The following NRP2 variants were observed in gnomAD, a reference collection of about 807,000 sequenced individuals.
NRP2 encodes the protein neuropilin 2.
NRP2 carries 52 observed loss-of-function variants against 110.4 expected under a neutral mutation model. That is an observed-to-expected ratio of 0.47 (90% CI 0.38 to 0.59). The LOEUF (loss-of-function observed/expected upper bound fraction) is 0.59, where lower values mean the gene tolerates loss of function less well. Among genes scored for constraint, NRP2 ranks in the 20% least tolerant of loss-of-function variants. The pLI is 0.00. For missense variants in NRP2, 1,049 were observed against 1,203.0 expected (o/e 0.87, Z 1.89); for synonymous variants, 508 against 468.9 (o/e 1.08, Z -1.08).
intron 7 of NRP2, among the ~76,000 whole-genome samples, chr2:205,739,522 G>A (rs561858182): frequency 6.6e-5 from 10 of 152,186 alleles, no homozygotes; most frequent in East Asian, 3.9e-4. Context: ...AGGAGAAGTC[G>A]CTGATGGTTG....
At chr2:205,720,509 G>A (rs371663482) in intron 3 of NRP2, among the ~76,000 whole-genome samples, 1 of 152,096 alleles carries the variant, frequency 6.6e-6, no homozygotes, top group East Asian at 1.9e-4. Context: ...CCTTCTAAGG[G>A]AATGACAATA....
rs202118866 is a variant in NRP2 at position 205,749,817 on chromosome 2, G to C, written c.1879G>C (p.Gly627Arg). The stretch of plus-strand genomic sequence containing the variant: ...CACCGAAGAGGAGGCCACAGAGTGT[G>C]GGGAGAACTGCAGCTTTGAGGATGG... ...YPTEEEATEC[G>R]ENCSFEDDKD... The change falls in exon 11 of 17, where the codon GGG becomes CGG. Residue 627 changes from glycine (G) to arginine (R), a missense_variant. Physicochemically the swap from Gly to Arg is moderately radical, Grantham distance 125 (BLOSUM62 -2). Coordinates refer to ENST00000357785, the MANE Select transcript of NRP2 (RefSeq NM_003872.3). The C allele has an allele frequency of 4.3e-6, 7 of 1,613,932 alleles. No homozygotes were observed. In the Admixed American group the frequency reaches 1.2e-4, roughly 27 times the overall value.
chr2:205,739,729 G>A (rs1214856382), intron 7 of NRP2, among the ~76,000 whole-genome samples: 2 of 147,816 alleles, frequency 1.4e-5, no homozygotes, highest in Non-Finnish European at 3.0e-5. Context: ...AAAGCATAAG[G>A]TCCATATGGC....
At position 205,682,703 on chromosome 2, in the gene NRP2, G is replaced by C. The variant is rs892550081; in HGVS notation, c.-588G>C. 1.2e-5 allele frequency: 2 copies of C among 163,066 alleles called. No homozygotes were observed. The highest frequency in any genetic ancestry group is 6.4e-5 in the Admixed American group (1 of 15,700). The allele number at this position is 163,066 out of a possible 1,614,324, so 10.1% of individuals were successfully genotyped here. On this transcript the variant is annotated 5_prime_UTR_variant, in exon 1 of 17. Coordinates refer to ENST00000357785, the MANE Select transcript of NRP2 (RefSeq NM_003872.3). This position sits in a 1 kb window ranked among gnomAD's most constrained non-coding sequence, Gnocchi z 4.3. ...GCTTCCTTCCTCAGACTCCCCTCGA[G>C]AGGCTGGCCAAGCGGGTGTAGCCGT... is the stretch of plus-strand genomic sequence containing the variant.
intron 3 of NRP2, among the ~76,000 whole-genome samples, chr2:205,718,189 C>T (rs2056939219): frequency 6.6e-6 from 1 of 152,182 alleles, no homozygotes; most frequent in Non-Finnish European, 1.5e-5. Context: ...GCCATGAAAA[C>T]TCAGCCTTGG....
At chr2:205,719,706 G>C (rs971631330) in intron 3 of NRP2, among the ~76,000 whole-genome samples, 2 of 152,122 alleles carry the variant, frequency 1.3e-5, no homozygotes, top group South Asian at 4.1e-4. Flanking sequence ...CTGAATTCAG[G>C]AACTGAATTC....
intron 3 of NRP2, 123 bp downstream of exon 3, chr2:205,716,497 G>C (rs1457665497): frequency 2.4e-6 from 2 of 822,356 alleles, no homozygotes; most frequent in Non-Finnish European, 3.7e-6. Context: ...CATGGTGAGA[G>C]GTTCAAGGTG....
intron 2 of NRP2, among the ~76,000 whole-genome samples, chr2:205,715,233 G>A (rs539346435): frequency 2.0e-5 from 3 of 152,250 alleles, no homozygotes; most frequent in Non-Finnish European, 2.9e-5. Context: ...ACCGGGGCTG[G>A]AAAATGTGTG....
At position 205,727,999 on chromosome 2, in the gene NRP2, A is replaced by G; in HGVS notation, c.1099A>G (p.Thr367Ala). The change falls in exon 7 of 17, where the codon ACT (threonine) becomes GCT (alanine). Residue 367 changes from threonine to alanine, a missense_variant. Physicochemically the swap from Thr to Ala is moderately conservative, Grantham distance 58. Coordinates refer to ENST00000357785, the MANE Select transcript of NRP2 (RefSeq NM_003872.3). ...YVKSYKLEVS[T>A]NGEDWMVYRH... is the part of the protein sequence containing the mutation. ...CAAATCCTACAAGCTGGAAGTCAGC[A>G]CTAATGGAGAGGACTGGATGGTGTA... is the stretch of plus-strand genomic sequence containing the variant. 1 of 1,614,212 alleles carries G rather than the reference A, an allele frequency of 6.2e-7. No individual in the cohort carries two copies. The highest frequency in any genetic ancestry group is 8.5e-7 in the Non-Finnish European group (1 of 1,180,038).
At chr2:205,706,806 C>T (rs1283932138) in intron 2 of NRP2, among the ~76,000 whole-genome samples, 3 of 152,172 alleles carry the variant, frequency 2.0e-5, no homozygotes, top group Non-Finnish European at 4.4e-5. Context: ...TCTTCACTGC[C>T]TGGGCCTTTA....
intron 7 of NRP2, among the ~76,000 whole-genome samples, chr2:205,733,238 C>T (rs1575600428): frequency 6.6e-6 from 1 of 152,194 alleles, no homozygotes; most frequent in Admixed American, 6.5e-5. Context: ...CCGCGGCCAG[C>T]GTCACCCAGC....
chr2:205,780,526 C>T (rs1214749772), intron 15 of NRP2, among the ~76,000 whole-genome samples: 2 of 152,142 alleles, frequency 1.3e-5, no homozygotes, highest in African/African-American at 4.8e-5. Flanking sequence ...CCCAGCAGTT[C>T]ATGGTTTCTA....
intron 12 of NRP2, among the ~76,000 whole-genome samples, chr2:205,757,579 A>G (rs2057753962): frequency 6.6e-6 from 1 of 152,154 alleles, no homozygotes; most frequent in Non-Finnish European, 1.5e-5. Flanking sequence ...TTGAAAAGCA[A>G]CTCTGAGTTC....
At chr2:205,737,805 C>CAA (rs2057370966) in intron 7 of NRP2, among the ~76,000 whole-genome samples, 1 of 152,160 alleles carries the variant, frequency 6.6e-6, no homozygotes, top group South Asian at 2.1e-4. Context: ...CTAGGGGACA[C>CAA]AAACTGTGTG....
At chr2:205,710,323 G>A (rs1157192425) in intron 2 of NRP2, among the ~76,000 whole-genome samples, 1 of 152,190 alleles carries the variant, frequency 6.6e-6, no homozygotes, top group Non-Finnish European at 1.5e-5. Context: ...CCTTGGGCAG[G>A]TCACTTAACT....
chr2:205,767,622 T>C (rs958459246), intron 15 of NRP2: 3 of 299,848 alleles, frequency 1.0e-5, no homozygotes, highest in African/African-American at 6.7e-5. Flanking sequence ...GGCAATGTTG[T>C]TTGTGCTGTT....
chr2:205,759,071 C>T (rs1363965791), intron 12 of NRP2, among the ~76,000 whole-genome samples: 1 of 152,156 alleles, frequency 6.6e-6, no homozygotes, highest in Non-Finnish European at 1.5e-5. Flanking sequence ...ATCTCAATAT[C>T]TATGTGTGGG....
Position 205,740,629 on chromosome 2 carries a change from C to T in NRP2, c.1257C>T (p.Ala419=). The change falls in exon 8 of 17, where the codon GCC becomes GCT. Residue 419 remains alanine (A), a synonymous_variant. Coordinates refer to ENST00000357785, the MANE Select transcript of NRP2 (RefSeq NM_003872.3). ...CTCAGACCTGGCACTCAGGTATCGC[C>T]CTCCGGCTGGAGCTCTTCGGCTGCC... is the stretch of plus-strand genomic sequence containing the variant. ...IRPQTWHSGI[A]LRLELFGCRV... is the part of the protein sequence containing the mutation. 3 of 1,614,210 alleles carry T rather than the reference C, an allele frequency of 1.9e-6. No individual in the cohort carries two copies. The highest frequency in any genetic ancestry group is 2.5e-6 in the Non-Finnish European group (3 of 1,180,042).
At chr2:205,696,695 C>T (rs1456434455) in intron 1 of NRP2, among the ~76,000 whole-genome samples, 1 of 152,190 alleles carries the variant, frequency 6.6e-6, no homozygotes, top group Non-Finnish European at 1.5e-5. Context: ...GCCCTTCCTG[C>T]AAACGGCCAG....
Sources: gnomAD v4.1 joint callset for allele counts (sites outside exome capture counted in the v4.1 genomes callset) on GRCh38, gnomAD v4.1.1 for gene constraint, Gnocchi (gnomAD v3.1) non-coding constraint, MANE v1.5 for transcripts, NCBI Gene and HGNC (gene_info 2026-07-23, HGNC 2026-07-21) for gene names.